SEZ6L: variants seen among roughly 807,000 people sequenced by gnomAD.
SEZ6L encodes seizure related 6 homolog like.
In SEZ6L, 37 loss-of-function variants were observed where a neutral mutation model predicts 106.2. The ratio of observed to expected loss-of-function variants is 0.35; its 90% CI spans 0.27 to 0.46. The LOEUF (loss-of-function observed/expected upper bound fraction) is 0.46. Among genes scored for constraint, SEZ6L ranks in the 20% least tolerant of loss-of-function variants. The pLI, the probability that SEZ6L is intolerant of heterozygous loss-of-function variation, is 1.00. For synonymous variants in SEZ6L, 541 were observed against 570.4 expected (o/e 0.95, Z 0.73); for missense variants, 1,172 against 1,332.8 (o/e 0.88, Z 1.88).
At chr22:26,175,984 C>T (rs1938973803) in intron 1 of SEZ6L, among the ~76,000 whole-genome samples, 1 of 152,298 alleles carries the variant, frequency 6.6e-6, no homozygotes, top group Non-Finnish European at 1.5e-5. Flanking sequence ...CCTCAAACAC[C>T]CCCATGTGTT....
intron 1 of SEZ6L, among the ~76,000 whole-genome samples, chr22:26,210,025 A>C (rs549071104): frequency 1.4e-5 from 2 of 146,552 alleles, no homozygotes; most frequent in Non-Finnish European, 3.0e-5. Flanking sequence ...TCAATGAAAA[A>C]AAATATGTAT....
At chr22:26,335,858 G>A (rs1171978352) in intron 9 of SEZ6L, among the ~76,000 whole-genome samples, 2 of 152,132 alleles carry the variant, frequency 1.3e-5, no homozygotes, top group Non-Finnish European at 2.9e-5. Context: ...AAAGACACCT[G>A]CCAAGTCACC....
intron 1 of SEZ6L, among the ~76,000 whole-genome samples, chr22:26,207,225 A>G (rs1602031189): frequency 6.6e-6 from 1 of 152,234 alleles, no homozygotes; most frequent in African/African-American, 2.4e-5. Flanking sequence ...AAGGCACCAC[A>G]GTATTCCATT....
chr22:26,190,409 T>A (rs778823124), intron 1 of SEZ6L, among the ~76,000 whole-genome samples: 2 of 152,200 alleles, frequency 1.3e-5, no homozygotes, highest in Non-Finnish European at 2.9e-5. Context: ...CAACTGGTAC[T>A]TTTGGAGGAC....
chr22:26,358,210 T>C (rs2083501104), intron 12 of SEZ6L, among the ~76,000 whole-genome samples: 2 of 152,162 alleles, frequency 1.3e-5, no homozygotes, highest in African/African-American at 4.8e-5. Flanking sequence ...ATGATAACCC[T>C]AGGGGATTTG....
chr22:26,269,282 AAT>A (rs1414618289), intron 1 of SEZ6L, among the ~76,000 whole-genome samples: 1 of 152,198 alleles, frequency 6.6e-6, no homozygotes, highest in African/African-American at 2.4e-5. Flanking sequence ...GAGGCCTAGA[AAT>A]CTGCCTTTTA....
At chr22:26,364,712 C>G (rs758202573) in intron 12 of SEZ6L, 1 of 152,296 alleles carries the variant, frequency 6.6e-6, no homozygotes, top group Non-Finnish European at 1.5e-5. Flanking sequence ...ATAGGCTCAT[C>G]TCCAATGAGG....
intron 1 of SEZ6L, among the ~76,000 whole-genome samples, chr22:26,191,205 T>C (rs1281303663): frequency 1.3e-5 from 2 of 152,122 alleles, no homozygotes; most frequent in African/African-American, 4.8e-5. Flanking sequence ...CACCCAGAAA[T>C]AGCCTTTGAC....
At position 26,381,359 on chromosome 22, in the gene SEZ6L, A is replaced by G. The variant is rs868219662; in HGVS notation, c.*1064A>G. On this transcript the variant is annotated 3_prime_UTR_variant, in exon 17 of 17. Transcript: ENST00000248933. Reference sequence around the variant, plus strand: ...ATTCTCTAAAAGGTGTCATCTTCAGAATATACTTGCCATCAAGTATTTCAG... The same window carrying G: ...ATTCTCTAAAAGGTGTCATCTTCAGGATATACTTGCCATCAAGTATTTCAG... The G allele has an allele frequency of 3.9e-5, 6 of 152,366 alleles. 1 individual carries two copies. The highest frequency in any genetic ancestry group is 4.1e-4 in the South Asian group (2 of 4,824). 9.4% of individuals were successfully genotyped at this position (152,366 alleles called of 1,614,324 possible).
intron 6 of SEZ6L, among the ~76,000 whole-genome samples, chr22:26,306,872 AAGAT>A (rs1257944639): frequency 3.9e-5 from 6 of 152,200 alleles, no homozygotes; most frequent in Non-Finnish European, 5.9e-5. Flanking sequence ...ATCTTATTCT[AAGAT>A]AGTCTAGAAA....
rs778103243 is a variant in SEZ6L, at chr22:26,228,678, CT to C, written c.94+58917del. On this transcript the variant is annotated intron_variant, in intron 1 of 16. Coordinates refer to ENST00000248933, the MANE Select transcript of SEZ6L (RefSeq NM_021115.5). The stretch of plus-strand genomic sequence containing the variant: ...GTAGTTGCCACTTACTGGGGGCTTG[CT>C]TAGAGCAAAGTACTCTCCAAACATC... Among the ~76,000 whole-genome samples, 386 of 152,264 alleles carry C rather than the reference CT, an allele frequency of 2.5e-3. 2 individuals are homozygous for C. The highest frequency in any genetic ancestry group is 4.1e-3 in the Non-Finnish European group (282 of 68,016).
In SEZ6L at chr22:26,365,541, G is replaced by T. The variant is rs745509860; in HGVS notation, c.2769G>T (p.Trp923Cys). ...GCATCCTGGGACAGCCATCCCACTG[G>T]AACGGGCCCCTGCCCGTGTGTAAAG... ...IRCILGQPSHWNGPLPVCKVN... is the reference protein window; with the variant it reads ...IRCILGQPSHCNGPLPVCKVN... The change falls in exon 13 of 17, where the codon TGG (tryptophan) becomes TGT (cysteine). Residue 923 changes from tryptophan to cysteine, a missense_variant. This residue lies in a region of SEZ6L where 141 missense variants were observed against 176.0 expected (regional missense o/e 0.80). Transcript: ENST00000248933. 6.2e-7 allele frequency: 1 copy of T among 1,613,992 alleles called. No individual in the cohort carries two copies. Among genetic ancestry groups the T allele is most frequent in the South Asian group, 1.1e-5 (1 of 91,066 alleles).
intron 14 of SEZ6L, 59 bp from the exon 15 acceptor site, chr22:26,375,516 G>C (rs2084190601): frequency 7.2e-7 from 1 of 1,390,056 alleles, no homozygotes; most frequent in Non-Finnish European, 1.0e-6. Context: ...TGGGCAGTTG[G>C]GCACTCACTG....
rs1180113352 is a variant in SEZ6L at position 26,293,138 on chromosome 22, A to G, written c.827A>G (p.Gln276Arg). Residue 276 changes from glutamine to arginine, a missense_variant, in exon 2 of 17, where the codon CAG becomes CGG. Around this residue, in one of 4 missense-constraint regions of SEZ6L, gnomAD observed 494 missense variants for 445.8 expected, o/e 1.11. Transcript: ENST00000248933. ...ACCACCACGGTCATCACCACCGAGC[A>G]GGCACCAGGTATGCAGCCCCCAACT... ...IITTTVITTEQAPALCSVSFS... is the reference protein window; with the variant it reads ...IITTTVITTERAPALCSVSFS... 19 of 1,542,404 alleles carry G rather than the reference A, an allele frequency of 1.2e-5. No homozygotes were observed. Among genetic ancestry groups the G allele is most frequent in the African/African-American group, 1.4e-5 (1 of 72,636 alleles).
intron 1 of SEZ6L, among the ~76,000 whole-genome samples, chr22:26,209,858 A>AAGAAGGGAGAGAGGAAGGAAGGAC: frequency 6.7e-6 from 1 of 148,960 alleles, no homozygotes; most frequent in African/African-American, 2.5e-5. Context: ...GAATGAAGGA[A>AAGAAGGGAGAGAGGAAGGAAGGAC]AGAAGGGAGA....
At chr22:26,235,763 C>T (rs2078938494) in intron 1 of SEZ6L, among the ~76,000 whole-genome samples, 1 of 152,198 alleles carries the variant, frequency 6.6e-6, no homozygotes, top group South Asian at 2.1e-4. Flanking sequence ...GAGCATGGAT[C>T]TCCAAGGAGG....
intron 13 of SEZ6L, among the ~76,000 whole-genome samples, chr22:26,373,181 A>G (rs2084098133): frequency 6.6e-6 from 1 of 152,200 alleles, no homozygotes; most frequent in South Asian, 2.1e-4. Context: ...AGTTCTTGGC[A>G]CAATTTTGGA....
At chr22:26,313,624 G>A in intron 8 of SEZ6L, 140 bp from the exon 9 acceptor site, 3 of 802,520 alleles carry the variant, frequency 3.7e-6, no homozygotes, top group Admixed American at 4.4e-5. Flanking sequence ...ACACGTGCTG[G>A]CTGCCCGAGG....
intron 3 of SEZ6L, among the ~76,000 whole-genome samples, chr22:26,295,792 G>T (rs909710534): frequency 6.6e-6 from 1 of 152,190 alleles, no homozygotes; most frequent in Non-Finnish European, 1.5e-5. Context: ...TGCAATGCCT[G>T]CCCTAAAAGA....
Sources: gnomAD v4.1 joint callset for allele counts (sites outside exome capture counted in the v4.1 genomes callset) on GRCh38, gnomAD v4.1.1 for gene constraint, gnomAD v4.1.1 regional missense constraint, MANE v1.5 for transcripts, NCBI Gene and HGNC (gene_info 2026-07-23, HGNC 2026-07-21) for gene names.